Variants in SPIDR observed in about 807,000 individuals in gnomAD.
The protein encoded by SPIDR is DNA repair-scaffolding protein.
A neutral mutation model predicts 104.6 loss-of-function variants in SPIDR; 93 were observed. The observed-to-expected ratio is 0.89, with a 90% CI of 0.75 to 1.06. The LOEUF is 1.06. Among genes scored for constraint, SPIDR ranks in the 50% least tolerant of loss-of-function variants. The probability of loss-of-function intolerance (pLI) is 0.00; values close to 1 mark genes in which losing one functional copy is unlikely to be tolerated. For missense variants in SPIDR, 1,154 were observed against 1,111.2 expected (o/e 1.04, Z -0.55); for synonymous variants, 431 against 416.9 (o/e 1.03, Z -0.41).
At chr8:47,611,755 T>A (rs1337135974) in intron 10 of SPIDR, among the ~76,000 whole-genome samples, 1 of 152,152 alleles carries the variant, frequency 6.6e-6, no homozygotes, top group Non-Finnish European at 1.5e-5. Flanking sequence ...TTAAAGCATT[T>A]ATTACAATTA....
At chr8:47,308,767 T>A (rs1199073187) in intron 5 of SPIDR, among the ~76,000 whole-genome samples, 2 of 152,162 alleles carry the variant, frequency 1.3e-5, no homozygotes, top group Non-Finnish European at 2.9e-5. Context: ...ATGCCCTATA[T>A]TTGGAAGAGA....
At chr8:47,361,026 T>C (rs1400526146) in intron 5 of SPIDR, 1 of 956,604 alleles carries the variant, frequency 1.0e-6, no homozygotes, top group Admixed American at 6.2e-5. Flanking sequence ...TAAGTGATGC[T>C]GATAAAAGTG....
chr8:47,405,165 G>T (rs1289027828), intron 6 of SPIDR, among the ~76,000 whole-genome samples: 1 of 152,052 alleles, frequency 6.6e-6, no homozygotes, highest in Non-Finnish European at 1.5e-5. Flanking sequence ...GAGATCACTT[G>T]GACACAGGAA....
intron 8 of SPIDR, among the ~76,000 whole-genome samples, chr8:47,592,795 T>G (rs926281621): frequency 1.3e-5 from 2 of 152,140 alleles, no homozygotes; most frequent in African/African-American, 4.8e-5. Context: ...TCAAGAGGAG[T>G]AGGAAAGCCT....
At chr8:47,419,944 A>T (rs1482409810) in intron 7 of SPIDR, among the ~76,000 whole-genome samples, 1 of 152,096 alleles carries the variant, frequency 6.6e-6, no homozygotes, top group Non-Finnish European at 1.5e-5. Context: ...TGAGTTTCTT[A>T]ATCCTGAGTT....
chr8:47,363,163 G>A (rs1289435358), intron 5 of SPIDR, among the ~76,000 whole-genome samples: 2 of 149,750 alleles, frequency 1.3e-5, no homozygotes, highest in Non-Finnish European at 3.0e-5. Context: ...GGAATTAAAA[G>A]GTATAGAAAT....
chr8:47,401,077 A>C (rs1305453556), intron 6 of SPIDR, among the ~76,000 whole-genome samples: 2 of 152,188 alleles, frequency 1.3e-5, no homozygotes, highest in East Asian at 3.8e-4. Context: ...TGTTAAGGGC[A>C]GCCAGAGAGA....
chr8:47,732,864 A>G (rs944007620), intron 19 of SPIDR, among the ~76,000 whole-genome samples: 5 of 152,252 alleles, frequency 3.3e-5, no homozygotes, highest in Non-Finnish European at 7.3e-5. Context: ...ATGTGAAAAC[A>G]GTAGGATTGT....
chr8:47,493,730 G>T (rs892703143), intron 8 of SPIDR, among the ~76,000 whole-genome samples: 1 of 152,094 alleles, frequency 6.6e-6, no homozygotes, highest in Non-Finnish European at 1.5e-5. Flanking sequence ...TCCATCTAGT[G>T]ACAATTCTTT....
chr8:47,466,636 G>A (rs1166008097), intron 8 of SPIDR, among the ~76,000 whole-genome samples: 18 of 151,628 alleles, frequency 1.2e-4, no homozygotes, highest in African/African-American at 2.2e-4. Flanking sequence ...CAAGGCAGGC[G>A]GATCACTTGA....
At chr8:47,695,964 T>G (rs1301643544) in intron 11 of SPIDR, among the ~76,000 whole-genome samples, 1 of 152,176 alleles carries the variant, frequency 6.6e-6, no homozygotes, top group African/African-American at 2.4e-5. Flanking sequence ...CCACTCCCAC[T>G]CTCTTCTTGG....
intron 8 of SPIDR, among the ~76,000 whole-genome samples, chr8:47,587,609 CAAAAAAA>C (rs36084278): frequency 3.4e-5 from 2 of 58,830 alleles, no homozygotes; most frequent in Non-Finnish European, 7.9e-5. Flanking sequence ...GACCCTGCCT[CAAAAAAA>C]AAAAAAAAAA....
intron 8 of SPIDR, among the ~76,000 whole-genome samples, chr8:47,579,475 C>G: frequency 6.6e-6 from 1 of 152,178 alleles, no homozygotes; most frequent in East Asian, 1.9e-4. Flanking sequence ...CTGGGTCATG[C>G]AACCCAGGAA....
chr8:47,730,639 G>A (rs2085048972), intron 19 of SPIDR, among the ~76,000 whole-genome samples: 1 of 152,170 alleles, frequency 6.6e-6, no homozygotes, highest in South Asian at 2.1e-4. Context: ...GGAGTGCAGT[G>A]ACACAACCAT....
intron 8 of SPIDR, among the ~76,000 whole-genome samples, chr8:47,553,448 T>C (rs754741531): frequency 3.4e-4 from 51 of 152,204 alleles, no homozygotes; most frequent in Non-Finnish European, 1.2e-4. Context: ...CGTTTCTTTT[T>C]ACTCTTTTTT....
At chr8:47,479,599 C>T (rs2076665987) in intron 8 of SPIDR, among the ~76,000 whole-genome samples, 1 of 152,130 alleles carries the variant, frequency 6.6e-6, no homozygotes, top group Non-Finnish European at 1.5e-5. Flanking sequence ...GAGAGCTGCA[C>T]CTGATCCTGT....
chr8:47,545,815 A>C (rs1451832840), intron 8 of SPIDR, among the ~76,000 whole-genome samples: 2 of 152,110 alleles, frequency 1.3e-5, no homozygotes, highest in Admixed American at 1.3e-4. Flanking sequence ...CTCAATTTCT[A>C]GTTTTCTGAG....
At chr8:47,561,580 C>A (rs1286703760) in intron 8 of SPIDR, among the ~76,000 whole-genome samples, 1 of 152,208 alleles carries the variant, frequency 6.6e-6, no homozygotes, top group Non-Finnish European at 1.5e-5. Context: ...AATCCATTGG[C>A]TTTTTCCAGC....
intron 8 of SPIDR, among the ~76,000 whole-genome samples, chr8:47,466,597 A>C (rs1262289649): frequency 6.6e-6 from 1 of 152,090 alleles, no homozygotes; most frequent in Non-Finnish European, 1.5e-5. Flanking sequence ...GCAGTGGCTC[A>C]CGCCTGTAAT....
Sources: gnomAD v4.1 joint callset for allele counts (sites outside exome capture counted in the v4.1 genomes callset) on GRCh38, gnomAD v4.1.1 for gene constraint, MANE v1.5 for transcripts, NCBI Gene and HGNC (gene_info 2026-07-23, HGNC 2026-07-21) for gene names.